Variants in KIRREL3 observed in about 807,000 individuals in gnomAD.
KIRREL3 encodes kin of IRRE-like protein 3.
KIRREL3 carries 36 observed loss-of-function variants against 89.7 expected under a neutral mutation model. The observed-to-expected ratio is 0.40, with a 90% CI of 0.31 to 0.53. KIRREL3 has a LOEUF of 0.53. Ranked by LOEUF, KIRREL3 falls within the 20% of genes least tolerant of loss-of-function variation. The pLI is 0.49. For missense variants in KIRREL3, 864 were observed against 1,056.6 expected (o/e 0.82, Z 2.53); for synonymous variants, 445 against 441.4 (o/e 1.01, Z -0.10).
At chr11:126,453,127 C>T (rs567703233) in intron 7 of KIRREL3, among the ~76,000 whole-genome samples, 67 of 143,668 alleles carry the variant, frequency 4.7e-4, no homozygotes, top group Admixed American at 2.1e-3. Context: ...CAGCTTAAGC[C>T]TCTCCCAATC....
rs138993911 is a variant in KIRREL3 at position 126,685,966 on chromosome 11, C to T, written c.56-123054G>A. ...GCACAGCTTACTCCTTTGCTCCACCCGGCTCTGCCTCTGTTCCCTTCACCT... is the reference window on the plus strand; with the variant it reads ...GCACAGCTTACTCCTTTGCTCCACCTGGCTCTGCCTCTGTTCCCTTCACCT... On this transcript the variant is annotated intron_variant, in intron 1 of 16. Transcript: ENST00000525144. This position sits in a 1 kb window ranked among gnomAD's most constrained non-coding sequence, Gnocchi z 5.5. Among the ~76,000 whole-genome samples, 22 of 152,340 alleles carry T rather than the reference C, an allele frequency of 1.4e-4. No homozygotes were observed. Among genetic ancestry groups the T allele is most frequent in the African/African-American group, 4.1e-4 (17 of 41,580 alleles).
At position 126,892,740 on chromosome 11, in the gene KIRREL3, G is replaced by A. The variant is rs1024011133; in HGVS notation, c.55+107715C>T. Among the ~76,000 whole-genome samples, 7 of 152,170 alleles carry A rather than the reference G, an allele frequency of 4.6e-5. No individual in the cohort carries two copies. The highest frequency in any genetic ancestry group is 1.7e-4 in the African/African-American group (7 of 41,454). On this transcript the variant is annotated intron_variant, in intron 1 of 16. Coordinates refer to ENST00000525144, the MANE Select transcript of KIRREL3 (RefSeq NM_032531.4). The surrounding 1 kb of genome is among the most constrained non-coding windows in gnomAD (Gnocchi z 5.4). ...GCATGACCTGACTTCTATGCCCCCA[G>A]CACTATGGCCATGACAGCCTCCAGA...
rs1591995905 is a variant in KIRREL3, at chr11:126,708,271, T to C, written c.56-145359A>G. ...AAGCGGGCAAAATGAGGATGTGAAG[T>C]CGAGCATCTGAGAAGGCTCAGAAAG... On this transcript the variant is annotated intron_variant, in intron 1 of 16. Transcript: ENST00000525144. The surrounding 1 kb of genome is among the most constrained non-coding windows in gnomAD (Gnocchi z 5.7). Among the ~76,000 whole-genome samples the C allele has an allele frequency of 2.6e-5, 4 of 152,304 alleles. No individual in the cohort carries two copies. The highest frequency in any genetic ancestry group is 1.9e-4 in the East Asian group (1 of 5,178).
At chr11:126,934,831 C>T (rs12363938) in intron 1 of KIRREL3, 19,054 of 152,132 alleles carry the variant, frequency 0.13, 1,503 homozygotes, top group East Asian at 0.26. Context: ...GAAGCCGAGG[C>T]GGACAGATCA....
rs150991802 is a variant in KIRREL3, at chr11:126,457,909, TG to T, written c.743-1456del. ...GGGCTGCAGCAGAGAGACAGAGAGG[TG>T]GGAAGGGCTTCCATCAGCCTGGCCC... On this transcript the variant is annotated intron_variant, in intron 6 of 16. Transcript: ENST00000525144. Among the ~76,000 whole-genome samples the T allele has an allele frequency of 4.6e-3, 699 of 151,932 alleles. 6 individuals are homozygous for T. The highest frequency in any genetic ancestry group is 0.016 in the African/African-American group (672 of 41,426).
At position 126,696,691 on chromosome 11, in the gene KIRREL3, G is replaced by A. The variant is rs772379811; in HGVS notation, c.56-133779C>T. Among the ~76,000 whole-genome samples the A allele has an allele frequency of 3.9e-5, 6 of 152,154 alleles. No individual in the cohort carries two copies. Among genetic ancestry groups the A allele is most frequent in the Non-Finnish European group, 7.3e-5 (5 of 68,032 alleles). On this transcript the variant is annotated intron_variant, in intron 1 of 16. Coordinates refer to ENST00000525144, the MANE Select transcript of KIRREL3 (RefSeq NM_032531.4). The surrounding 1 kb of genome is among the most constrained non-coding windows in gnomAD (Gnocchi z 4.4). ...TCGCATGGCTCATAAGGCCCTTGGC[G>A]AGTTGACATCAGGCTCCCTCTCTCC... is the stretch of plus-strand genomic sequence containing the variant.
chr11:126,929,524 A>G (rs1031089698), intron 1 of KIRREL3, among the ~76,000 whole-genome samples: 6 of 151,576 alleles, frequency 4.0e-5, no homozygotes, highest in African/African-American at 1.5e-4. Flanking sequence ...AGAAGCAGAA[A>G]ACAAATAAAA....
At chr11:126,933,575 A>T (rs921140461) in intron 1 of KIRREL3, among the ~76,000 whole-genome samples, 1 of 151,940 alleles carries the variant, frequency 6.6e-6, no homozygotes, top group Non-Finnish European at 1.5e-5. Flanking sequence ...CTACAAAAAA[A>T]TCACTAGAAC....
chr11:126,950,561 T>C (rs1948749372), intron 1 of KIRREL3, among the ~76,000 whole-genome samples: 1 of 152,190 alleles, frequency 6.6e-6, no homozygotes, highest in Non-Finnish European at 1.5e-5. Flanking sequence ...CCATTGTTCA[T>C]TCTTATTTTT....
chr11:126,874,797 GC>G (rs969341101), intron 1 of KIRREL3, among the ~76,000 whole-genome samples: 4 of 152,106 alleles, frequency 2.6e-5, no homozygotes, highest in African/African-American at 9.7e-5. Flanking sequence ...ATAGATTCCA[GC>G]CCCCAGAGGC....
intron 1 of KIRREL3, among the ~76,000 whole-genome samples, chr11:126,834,579 C>T (rs1015097263): frequency 2.6e-5 from 4 of 152,150 alleles, no homozygotes; most frequent in African/African-American, 4.8e-5. Flanking sequence ...CTGTGAATGC[C>T]GTGACAAAAA....
chr11:126,444,217 C>T (rs1955699141), intron 10 of KIRREL3, among the ~76,000 whole-genome samples: 1 of 152,188 alleles, frequency 6.6e-6, no homozygotes, highest in Non-Finnish European at 1.5e-5. Flanking sequence ...ATAAGACATG[C>T]CCCCTGCCCT....
rs114671873 is a variant in KIRREL3 at position 126,490,854 on chromosome 11, A to T, written c.434-17388T>A. Among the ~76,000 whole-genome samples the T allele has an allele frequency of 1.7e-3, 256 of 152,214 alleles. 2 individuals carry two copies. The highest frequency in any genetic ancestry group is 6.0e-3 in the African/African-American group (248 of 41,518). ...GTAGCATTTGGAGTCAAATAGGAAG[A>T]CGCCACTGCTTCCTTCTGGAGTGCA... On this transcript the variant is annotated intron_variant, in intron 4 of 16. Coordinates refer to ENST00000525144, the MANE Select transcript of KIRREL3 (RefSeq NM_032531.4). The surrounding 1 kb of genome is among the most constrained non-coding windows in gnomAD (Gnocchi z 4.2).
At position 126,566,441 on chromosome 11, in the gene KIRREL3, C is replaced by T. The variant is rs959019196; in HGVS notation, c.56-3529G>A. On this transcript the variant is annotated intron_variant, in intron 1 of 16. Transcript: ENST00000525144. The surrounding 1 kb of genome is among the most constrained non-coding windows in gnomAD (Gnocchi z 4.9). ...CAGTGCCTGACACATGGTAAGTGCT[C>T]AGGAACAGTCTGCTGACTTAATGAA... is the stretch of plus-strand genomic sequence containing the variant. 1.6e-4 allele frequency among the ~76,000 whole-genome samples: 25 copies of T among 152,280 alleles called. No individual in the cohort carries two copies. In the South Asian group the frequency reaches 4.8e-3, roughly 29 times the overall value.
intron 2 of KIRREL3, among the ~76,000 whole-genome samples, chr11:126,547,811 G>T (rs962790774): frequency 6.6e-6 from 1 of 152,184 alleles, no homozygotes; most frequent in Non-Finnish European, 1.5e-5. Context: ...TGCCCTGGAC[G>T]ATGGTGGGGA....
intron 1 of KIRREL3, among the ~76,000 whole-genome samples, chr11:126,854,008 C>T (rs541632463): frequency 1.3e-5 from 2 of 152,066 alleles, no homozygotes; most frequent in South Asian, 2.1e-4. Context: ...GGAGTCTCCT[C>T]TTACAGCATT....
chr11:126,776,076 C>T lies in KIRREL3; in HGVS notation c.56-213164G>A. 6.6e-6 allele frequency among the ~76,000 whole-genome samples: 1 copy of T among 152,186 alleles called. No individual in the cohort carries two copies. The highest frequency in any genetic ancestry group is 1.9e-4 in the East Asian group (1 of 5,170). On this transcript the variant is annotated intron_variant, in intron 1 of 16. Transcript: ENST00000525144. The surrounding 1 kb of genome is among the most constrained non-coding windows in gnomAD (Gnocchi z 4.7). ...AAGCTCCCCCAGAGGGAAGTCAGGCCTGGCCTGGGGATTGTGGGGTGACCT... is the reference window on the plus strand; with the variant it reads ...AAGCTCCCCCAGAGGGAAGTCAGGCTTGGCCTGGGGATTGTGGGGTGACCT...
rs912340946 is a variant in KIRREL3, at chr11:126,983,432, G to A, written c.55+17023C>T. Among the ~76,000 whole-genome samples the A allele has an allele frequency of 2.0e-5, 3 of 152,176 alleles. No individual in the cohort carries two copies. Among genetic ancestry groups the A allele is most frequent in the Admixed American group, 6.5e-5 (1 of 15,286 alleles). On this transcript the variant is annotated intron_variant, in intron 1 of 16. Transcript: ENST00000525144. This position sits in a 1 kb window ranked among gnomAD's most constrained non-coding sequence, Gnocchi z 4.9. Reference sequence around the variant, plus strand: ...ATGCCCATGTCCTAATCCCTTTACAGGACAAAAGGGATTTTGCAGATGTAA... The same window carrying A: ...ATGCCCATGTCCTAATCCCTTTACAAGACAAAAGGGATTTTGCAGATGTAA...
chr11:126,631,626 C>G (rs903186309), intron 1 of KIRREL3, among the ~76,000 whole-genome samples: 4 of 152,186 alleles, frequency 2.6e-5, no homozygotes, highest in African/African-American at 9.7e-5. Context: ...AGGTGATTTG[C>G]ATCTTTAGCA....
Sources: gnomAD v4.1 joint callset for allele counts (sites outside exome capture counted in the v4.1 genomes callset) on GRCh38, gnomAD v4.1.1 for gene constraint, Gnocchi (gnomAD v3.1) non-coding constraint, MANE v1.5 for transcripts, NCBI Gene and HGNC (gene_info 2026-07-23, HGNC 2026-07-21) for gene names.